The following ARHGAP26 variants were observed in gnomAD, a reference collection of about 807,000 sequenced individuals.
The protein encoded by ARHGAP26 is Rho GTPase activating protein 26, also known as rho GTPase-activating protein 26.
Under a neutral mutation model 104.8 loss-of-function variants are expected in ARHGAP26, and 38 were observed. The ratio of observed to expected loss-of-function variants is 0.36; its 90% CI spans 0.28 to 0.48. The LOEUF is 0.48. ARHGAP26 is among the 20% of genes least tolerant of loss of function. ARHGAP26 has a pLI of 0.99. For missense variants in ARHGAP26, 704 were observed against 947.9 expected (o/e 0.74, Z 3.38); for synonymous variants, 341 against 340.0 (o/e 1.00, Z -0.03).
intron 19 of ARHGAP26, among the ~76,000 whole-genome samples, chr5:143,137,426 G>A (rs1352393879): frequency 1.3e-5 from 2 of 152,202 alleles, no homozygotes; most frequent in African/African-American, 4.8e-5. Context: ...TCAGTTCATA[G>A]TGACACCTGT....
intron 17 of ARHGAP26, among the ~76,000 whole-genome samples, chr5:143,111,533 C>T (rs1362988068): frequency 6.6e-6 from 1 of 152,194 alleles, no homozygotes; most frequent in African/African-American, 2.4e-5. Flanking sequence ...TTATCCCTGG[C>T]TCACAGTAAG....
rs59464424 is a variant in ARHGAP26 at position 143,092,543 on chromosome 5, TC to T, written c.1539-28436del. 2.1e-3 allele frequency among the ~76,000 whole-genome samples: 309 copies of T among 148,980 alleles called. 2 individuals carry two copies. Among genetic ancestry groups the T allele is most frequent in the African/African-American group, 6.5e-3 (266 of 40,660 alleles). On this transcript the variant is annotated intron_variant, in intron 17 of 22. Transcript: ENST00000645722. Reference sequence around the variant, plus strand: ...ATAACATTCCTTTTTACATAAATTCTCCCCCCCCCACCTTTTTTTTTCTCAA... The same window carrying T: ...ATAACATTCCTTTTTACATAAATTCTCCCCCCCCACCTTTTTTTTTCTCAA...
rs192716330 is a variant in ARHGAP26, at chr5:143,158,397, C to A, written c.1988+11016C>A. On this transcript the variant is annotated intron_variant, in intron 20 of 22. Coordinates refer to ENST00000645722, the MANE Select transcript of ARHGAP26 (RefSeq NM_001135608.3). ...AAGAGCGTTGGTCAAAGCCCCCTAC[C>A]CTATTGTTCCTCCGTTGGGTGGAGC... 2.4e-3 allele frequency among the ~76,000 whole-genome samples: 362 copies of A among 152,278 alleles called. 1 individual carries two copies. The highest frequency in any genetic ancestry group is 8.3e-3 in the South Asian group (40 of 4,826).
In ARHGAP26 at chr5:143,023,991, C is replaced by T. The variant is rs563904969; in HGVS notation, c.1144+9875C>T. On this transcript the variant is annotated intron_variant, in intron 12 of 22. Coordinates refer to ENST00000645722, the MANE Select transcript of ARHGAP26 (RefSeq NM_001135608.3). ...GCGAGGTGGTATAATTCTAGCTCTCCCTAGGTGCTGACTTTCTACACCTCA... is the reference window on the plus strand; with the variant it reads ...GCGAGGTGGTATAATTCTAGCTCTCTCTAGGTGCTGACTTTCTACACCTCA... 5.9e-5 allele frequency among the ~76,000 whole-genome samples: 9 copies of T among 152,310 alleles called. No individual in the cohort carries two copies. The East Asian group carries it at 9.7e-4, about 16-fold the overall frequency.
intron 17 of ARHGAP26, among the ~76,000 whole-genome samples, chr5:143,067,962 G>A (rs1056647258): frequency 1.3e-5 from 2 of 152,120 alleles, no homozygotes; most frequent in African/African-American, 4.8e-5. Flanking sequence ...CCGGGAGTTC[G>A]AGACCAGCCT....
chr5:142,939,077 T>C (rs1337410294), intron 11 of ARHGAP26, among the ~76,000 whole-genome samples: 1 of 152,190 alleles, frequency 6.6e-6, no homozygotes, highest in Non-Finnish European at 1.5e-5. Flanking sequence ...GCTCCATTCA[T>C]AGCTGTGGAG....
intron 12 of ARHGAP26, among the ~76,000 whole-genome samples, chr5:143,034,703 G>A (rs1782361575): frequency 6.6e-6 from 1 of 151,968 alleles, no homozygotes; most frequent in South Asian, 2.1e-4. Flanking sequence ...TTGCTGAATT[G>A]TATAGTTAAA....
chr5:142,902,187 G>A (rs533521718), intron 7 of ARHGAP26, 148 bp downstream of exon 7: 188 of 614,364 alleles, frequency 3.1e-4, no homozygotes, highest in African/African-American at 2.9e-3. Flanking sequence ...AGGGGCAGGC[G>A]TTTCTAGAGT....
chr5:143,011,455 G>A (rs1213474208), intron 11 of ARHGAP26, among the ~76,000 whole-genome samples: 1 of 152,080 alleles, frequency 6.6e-6, no homozygotes, highest in East Asian at 1.9e-4. Flanking sequence ...TGTATCCCCA[G>A]CACCTGGAAC....
At chr5:142,952,255 AG>A (rs1768508597) in intron 11 of ARHGAP26, among the ~76,000 whole-genome samples, 1 of 152,198 alleles carries the variant, frequency 6.6e-6, no homozygotes, top group East Asian at 1.9e-4. Context: ...CACTAGAGCA[AG>A]GGACTTTTCT....
intron 1 of ARHGAP26, among the ~76,000 whole-genome samples, chr5:142,789,985 G>T (rs1759471304): frequency 6.6e-6 from 1 of 152,060 alleles, no homozygotes; most frequent in Non-Finnish European, 1.5e-5. Context: ...AATTTTTTTT[G>T]AATACAAATC....
At chr5:143,186,284 G>T (rs979079475) in intron 20 of ARHGAP26, among the ~76,000 whole-genome samples, 3 of 152,182 alleles carry the variant, frequency 2.0e-5, no homozygotes, top group African/African-American at 7.2e-5. Flanking sequence ...AGAACATGGA[G>T]TCCAAGGATA....
chr5:142,973,955 A>G (rs1772649222), intron 11 of ARHGAP26, among the ~76,000 whole-genome samples: 1 of 152,162 alleles, frequency 6.6e-6, no homozygotes, highest in Admixed American at 6.5e-5. Context: ...CTTTTCCCAC[A>G]TACATTTTGA....
intron 1 of ARHGAP26, among the ~76,000 whole-genome samples, chr5:142,779,217 G>T (rs1039925634): frequency 7.9e-5 from 12 of 152,188 alleles, no homozygotes; most frequent in African/African-American, 2.7e-4. Flanking sequence ...AGTGACTGGG[G>T]TTTACACATT....
At chr5:143,205,447 T>C (rs17100149) in intron 20 of ARHGAP26, among the ~76,000 whole-genome samples, 1,950 of 152,336 alleles carry the variant, frequency 0.013, 81 homozygotes, top group Admixed American at 0.083. Context: ...TGTTGGAATT[T>C]AGAATATGTT....
At chr5:143,055,839 AAGAG>A (rs1277947733) in intron 15 of ARHGAP26, among the ~76,000 whole-genome samples, 185 bp from the exon 16 acceptor site, 1 of 152,208 alleles carries the variant, frequency 6.6e-6, no homozygotes, top group East Asian at 1.9e-4. Context: ...TCATTTAAGA[AAGAG>A]AGAGAATAAA....
intron 17 of ARHGAP26, among the ~76,000 whole-genome samples, chr5:143,061,990 A>G (rs1451207806): frequency 1.3e-5 from 2 of 152,182 alleles, no homozygotes; most frequent in South Asian, 2.1e-4. Context: ...TTTCCACCCA[A>G]CAAGATTTAT....
At chr5:143,008,856 A>G (rs1401613318) in intron 11 of ARHGAP26, among the ~76,000 whole-genome samples, 1 of 152,216 alleles carries the variant, frequency 6.6e-6, no homozygotes, top group South Asian at 2.1e-4. Context: ...GGGAATCCAG[A>G]TGACTCTGTG....
intron 20 of ARHGAP26, among the ~76,000 whole-genome samples, chr5:143,154,847 A>G (rs1013858539): frequency 1.1e-4 from 16 of 152,160 alleles, no homozygotes; most frequent in Non-Finnish European, 2.4e-4. Context: ...GTGATAATTC[A>G]TAGCATTTTT....
Sources: allele counts gnomAD v4.1 joint callset (sites outside exome capture counted in the v4.1 genomes callset), GRCh38; gene constraint gnomAD v4.1.1; transcripts MANE v1.5; gene names NCBI Gene and HGNC (gene_info 2026-07-23, HGNC 2026-07-21).